The following IRAK1BP1 variants were observed in gnomAD, a reference collection of about 807,000 sequenced individuals.
IRAK1BP1 encodes interleukin 1 receptor associated kinase 1 binding protein 1, also known as interleukin-1 receptor-associated kinase 1-binding protein 1.
A neutral mutation model predicts 28.0 loss-of-function variants in IRAK1BP1; 24 were observed. The observed-to-expected ratio is 0.86, with a 90% CI of 0.62 to 1.20. The LOEUF is 1.20. Ranked by LOEUF, IRAK1BP1 falls within the 50% of genes most tolerant of loss-of-function variation. IRAK1BP1 has a pLI of 0.00. For missense variants in IRAK1BP1, 336 were observed against 316.7 expected (o/e 1.06, Z -0.46); for synonymous variants, 131 against 116.3 (o/e 1.13, Z -0.81).
At chr6:78,926,856 T>A (rs1357429356) in intron 4 of IRAK1BP1, among the ~76,000 whole-genome samples, 1 of 152,150 alleles carries the variant, frequency 6.6e-6, no homozygotes. Flanking sequence ...GTTCCATCTA[T>A]GTTGTTGCAA....
At chr6:78,966,007 G>T in the IRAK1BP1 span, 3 of 1,613,582 alleles carry the variant, frequency 1.9e-6, no homozygotes, top group African/African-American at 2.7e-5. Context: ...CCTGGCTTTC[G>T]ATTGTTCCAA....
intron 1 of IRAK1BP1, among the ~76,000 whole-genome samples, chr6:78,872,876 A>C (rs1770838798): frequency 6.6e-6 from 1 of 152,130 alleles, no homozygotes; most frequent in Non-Finnish European, 1.5e-5. Context: ...AAACTTTTTA[A>C]ATATAAATTT....
At chr6:78,914,195 TC>T (rs201338014) in intron 4 of IRAK1BP1, among the ~76,000 whole-genome samples, 683 of 152,138 alleles carry the variant, frequency 4.5e-3, no homozygotes, top group African/African-American at 0.015. Flanking sequence ...GAAAAAAAAA[TC>T]TTAAAACTGG....
the IRAK1BP1 span, among the ~76,000 whole-genome samples, chr6:78,971,992 G>GCAGC: frequency 1.5e-3 from 227 of 152,234 alleles, no homozygotes; most frequent in African/African-American, 5.0e-3. Flanking sequence ...GGTAAACAAA[G>GCAGC]CAGCCGGGAA....
chr6:78,940,977 C>A (rs768081139), intron 4 of IRAK1BP1: 1 of 1,614,004 alleles, frequency 6.2e-7, no homozygotes, highest in Non-Finnish European at 8.5e-7. Flanking sequence ...ACTAGGAGAT[C>A]TGCATCTAAT....
At chr6:78,927,936 T>C (rs1271828390) in intron 4 of IRAK1BP1, among the ~76,000 whole-genome samples, 2 of 152,176 alleles carry the variant, frequency 1.3e-5, no homozygotes, top group African/African-American at 4.8e-5. Flanking sequence ...TTGCTCACTA[T>C]AGCTCTGTAG....
the IRAK1BP1 span, chr6:78,970,981 T>C: frequency 1.4e-5 from 11 of 778,884 alleles, no homozygotes; most frequent in South Asian, 1.2e-4. Flanking sequence ...GAAAATCTAA[T>C]GCCTTTTCAG....
Position 78,901,043 on chromosome 6 carries a change from A to G in IRAK1BP1, c.*2709A>G, listed in dbSNP as rs1015078201. 1 of 152,024 alleles carries G rather than the reference A, an allele frequency of 6.6e-6. No homozygotes were observed. Among genetic ancestry groups the G allele is most frequent in the Admixed American group, 6.6e-5 (1 of 15,246 alleles). 9.4% of individuals were successfully genotyped at this position (152,024 alleles called of 1,614,324 possible). A position where few individuals can be genotyped will look rare whatever the true frequency, so the allele number is the denominator to read the frequency against. ...ACAGAAAAGTAGAATGAGGTTGTGC[A>G]TCAAGAAAAAAATTGTTCGTTCTCA... is the stretch of plus-strand genomic sequence containing the variant. On this transcript the variant is annotated 3_prime_UTR_variant, in exon 4 of 4. Transcript: ENST00000369940.
chr6:78,946,557 AAAG>A, downstream of IRAK1BP1: 1 of 1,385,830 alleles, frequency 7.2e-7, no homozygotes, highest in East Asian at 2.7e-5. Context: ...GCTTTAGTTA[AAAG>A]ATTAAAAATC....
intron 2 of IRAK1BP1, among the ~76,000 whole-genome samples, chr6:78,885,721 C>T (rs1301376010): frequency 6.6e-6 from 1 of 152,020 alleles, no homozygotes; most frequent in African/African-American, 2.4e-5. Flanking sequence ...GCGGGTGACA[C>T]TACAGGAGAG....
chr6:78,975,500 C>T, the IRAK1BP1 span, among the ~76,000 whole-genome samples: 2 of 152,152 alleles, frequency 1.3e-5, no homozygotes, highest in African/African-American at 4.8e-5. Context: ...TCCTATTCAA[C>T]ATAGTGATGG....
the IRAK1BP1 span, among the ~76,000 whole-genome samples, chr6:78,979,052 G>A: frequency 8.5e-5 from 13 of 152,094 alleles, no homozygotes; most frequent in Admixed American, 6.6e-4. Context: ...GTATATAGGA[G>A]ACTGTGTGTA....
the IRAK1BP1 span, chr6:78,969,733 ATTTCTCTGATAATCTT>A: frequency 1.8e-6 from 1 of 564,668 alleles, no homozygotes; most frequent in Non-Finnish European, 3.0e-6. Flanking sequence ...TAGCAAAAAG[ATTTCTCTGATAATCTT>A]TTTCTCAATT....
chr6:78,962,530 A>C, the IRAK1BP1 span, among the ~76,000 whole-genome samples: 2 of 152,106 alleles, frequency 1.3e-5, no homozygotes, highest in Non-Finnish European at 2.9e-5. Flanking sequence ...ATTTCTCTCT[A>C]GACTCTTTGC....
chr6:78,923,714 C>A (rs1333200868), intron 4 of IRAK1BP1, among the ~76,000 whole-genome samples: 2 of 152,150 alleles, frequency 1.3e-5, no homozygotes, highest in Non-Finnish European at 2.9e-5. Flanking sequence ...TTATAACAAA[C>A]TGTGTCTCAG....
In IRAK1BP1 at chr6:78,899,377, A is replaced by G. The variant is rs1772018108; in HGVS notation, c.*1043A>G. 1.3e-5 allele frequency: 2 copies of G among 152,184 alleles called. No homozygotes were observed. The allele number at this position is 152,184 out of a possible 1,614,324, so 9.4% of individuals were successfully genotyped here. ...AGATGCAGATAACAACCCCAACCTT[A>G]ACAACTTCACAACATGAATAGAAAT... On this transcript the variant is annotated 3_prime_UTR_variant, in exon 4 of 4. Coordinates refer to ENST00000369940, the MANE Select transcript of IRAK1BP1 (RefSeq NM_001010844.4).
the IRAK1BP1 span, among the ~76,000 whole-genome samples, chr6:78,965,454 TAATAA>T: frequency 6.6e-5 from 10 of 152,058 alleles, no homozygotes; most frequent in Non-Finnish European, 1.2e-4. Flanking sequence ...GAATAGTAAT[TAATAA>T]AACAATTTCA....
intron 1 of IRAK1BP1, among the ~76,000 whole-genome samples, chr6:78,883,390 G>T (rs1771300570): frequency 6.6e-6 from 1 of 152,142 alleles, no homozygotes; most frequent in Non-Finnish European, 1.5e-5. Flanking sequence ...AATGGGGTTT[G>T]AGAATGTTAT....
At chr6:78,949,930 C>A (rs924081277), downstream of IRAK1BP1, among the ~76,000 whole-genome samples, 1 of 152,156 alleles carries the variant, frequency 6.6e-6, no homozygotes. Context: ...CTCAAGTGAT[C>A]CACCTACCTT....
Sources: gnomAD v4.1 joint callset for allele counts (sites outside exome capture counted in the v4.1 genomes callset) on GRCh38, gnomAD v4.1.1 for gene constraint, MANE v1.5 for transcripts, NCBI Gene and HGNC (gene_info 2026-07-23, HGNC 2026-07-21) for gene names.